Variants in CACNA1G observed in about 807,000 individuals in gnomAD.
The protein encoded by CACNA1G is calcium voltage-gated channel subunit alpha1 G.
In CACNA1G, 67 loss-of-function variants were observed where a neutral mutation model predicts 219.4. That is an observed-to-expected ratio of 0.31 (90% CI 0.25 to 0.37). The LOEUF (loss-of-function observed/expected upper bound fraction) is 0.37, where lower values mean the gene tolerates loss of function less well. CACNA1G is among the 10% of genes least tolerant of loss of function. The probability of loss-of-function intolerance (pLI) is 1.00; values close to 1 mark genes in which losing one functional copy is unlikely to be tolerated. For synonymous variants in CACNA1G, 1,296 were observed against 1,345.3 expected (o/e 0.96, Z 0.80); for missense variants, 2,380 against 3,231.4 (o/e 0.74, Z 6.39).
At position 50,572,685 on chromosome 17, in the gene CACNA1G, G is replaced by A. The variant is rs748055459; in HGVS notation, c.878G>A (p.Gly293Asp). 4.3e-6 allele frequency: 7 copies of A among 1,612,764 alleles called. No individual in the cohort carries two copies. Among genetic ancestry groups the A allele is most frequent in the Non-Finnish European group, 4.2e-6 (5 of 1,179,442 alleles). Residue 293 changes from glycine to aspartate, a missense_variant, in exon 6 of 38, where the codon GGC becomes GAC. Around this residue, in one of 17 missense-constraint regions of CACNA1G, gnomAD observed 68 missense variants for 85.3 expected, o/e 0.80. Transcript: ENST00000359106. ...RSVPTLRGDG[G>D]GGPPCGLDYE... ...GTGCCCACGCTGCGCGGGGACGGGG[G>A]CGGTGGCCCACCTTGCGGTCTGGAC...
chr17:50,570,109 T>C (rs1312566407), intron 4 of CACNA1G, among the ~76,000 whole-genome samples: 1 of 152,166 alleles, frequency 6.6e-6, no homozygotes, highest in East Asian at 1.9e-4. Flanking sequence ...GTGTGGGGAC[T>C]GGAGAGGCTG....
Position 50,617,961 on chromosome 17 carries a change from G to A in CACNA1G, c.5226+32G>A, listed in dbSNP as rs2050933861. On this transcript the variant is annotated intron_variant, in intron 30 of 37. Coordinates refer to ENST00000359106, the MANE Select transcript of CACNA1G (RefSeq NM_018896.5). The surrounding 1 kb of genome is among the most constrained non-coding windows in gnomAD (Gnocchi z 5.8). ...GGGAGGTGGGGGGCCTCTGGGGAGG[G>A]GGAGGTGCTTTCCAGAGGGAAGGGG... 9.9e-6 allele frequency: 16 copies of A among 1,612,916 alleles called. No individual in the cohort carries two copies. The highest frequency in any genetic ancestry group is 1.4e-5 in the Non-Finnish European group (16 of 1,179,086).
Position 50,590,611 on chromosome 17 carries a change from T to C in CACNA1G, c.2442T>C (p.Ile814=), listed in dbSNP as rs781212390. Residue 814 remains isoleucine, a synonymous_variant, in exon 10 of 38, where the codon ATT becomes ATC. Coordinates refer to ENST00000359106, the MANE Select transcript of CACNA1G (RefSeq NM_018896.5). The stretch of plus-strand genomic sequence containing the variant: ...CCTACAACATCTTCGATGGTGTCAT[T>C]GTGGTCATCAGGTATGACTACCCCC... ...KNPYNIFDGV[I]VVISVWEIVG... 6 of 1,613,878 alleles carry C rather than the reference T, an allele frequency of 3.7e-6. No homozygotes were observed. Among genetic ancestry groups the C allele is most frequent in the Non-Finnish European group, 5.1e-6 (6 of 1,179,826 alleles).
At position 50,626,271 on chromosome 17, in the gene CACNA1G, C is replaced by T; in HGVS notation, c.6654C>T (p.Asp2218=). The T allele has an allele frequency of 1.2e-6, 2 of 1,613,592 alleles. No individual in the cohort carries two copies. The highest frequency in any genetic ancestry group is 1.7e-6 in the Non-Finnish European group (2 of 1,179,798). ...PPETRSSLEL[D]TELSWISGDL... is the part of the protein sequence containing the mutation. ...AGACCAGAAGCAGCTTAGAGTTGGA[C>T]ACGGAGCTGAGCTGGATTTCAGGAG... Residue 2218 remains aspartate (D), a synonymous_variant, in exon 38 of 38, where the codon GAC becomes GAT. Transcript: ENST00000359106. This position sits in a 1 kb window ranked among gnomAD's most constrained non-coding sequence, Gnocchi z 4.3.
chr17:50,583,065 G>A (rs955923232), intron 9 of CACNA1G, among the ~76,000 whole-genome samples: 1 of 152,178 alleles, frequency 6.6e-6, no homozygotes, highest in African/African-American at 2.4e-5. Flanking sequence ...CTCCTTTTCA[G>A]TTCTGCTGAA....
chr17:50,609,873 T>C lies in CACNA1G; in HGVS notation c.4706-9T>C, dbSNP rs747634560. The C allele has an allele frequency of 6.2e-7, 1 of 1,610,962 alleles. No individual in the cohort carries two copies. Among genetic ancestry groups the C allele is most frequent in the Admixed American group, 1.7e-5 (1 of 60,012 alleles). On this transcript the variant is annotated splice_polypyrimidine_tract_variant and intron_variant, in intron 25 of 37. Transcript: ENST00000359106. ...GGCCAGTGACCAATGTCGTGTTTCG[T>C]TCTTTTAGATCTAATGCTGGACGAT... is the stretch of plus-strand genomic sequence containing the variant.
chr17:50,624,625 TTTA>T, intron 37 of CACNA1G, 96 bp downstream of exon 37: 1 of 1,220,612 alleles, frequency 8.2e-7, no homozygotes, highest in Non-Finnish European at 1.1e-6. Context: ...CCAGCAAATA[TTTA>T]TTGTGTGCCA....
In CACNA1G at chr17:50,626,224, A is replaced by G; in HGVS notation, c.6607A>G (p.Asn2203Asp). ...PPAPCPGPEP[N>D]WGKGPPETRS... ...AGCCCCTTGCCCAGGCCCAGAACCC[A>G]ACTGGGGCAAGGGCCCTCCAGAGAC... The change falls in exon 38 of 38, where the codon AAC (asparagine) becomes GAC (aspartate). Residue 2203 changes from asparagine to aspartate, a missense_variant. Asn to Asp is a conservative substitution (Grantham distance 23). This residue lies in a region of CACNA1G where 672 missense variants were observed against 670.5 expected (regional missense o/e 1.00). Coordinates refer to ENST00000359106, the MANE Select transcript of CACNA1G (RefSeq NM_018896.5). This position sits in a 1 kb window ranked among gnomAD's most constrained non-coding sequence, Gnocchi z 4.3. 6.2e-7 allele frequency: 1 copy of G among 1,613,830 alleles called. No individual in the cohort carries two copies. Among genetic ancestry groups the G allele is most frequent in the Non-Finnish European group, 8.5e-7 (1 of 1,179,862 alleles).
Position 50,572,645 on chromosome 17 carries a change from C to A in CACNA1G, c.838C>A (p.Arg280=). ...ICSQPRENGM[R]SCRSVPTLRG... is the part of the protein sequence containing the mutation. ...CTCCCAGCCACGCGAGAACGGCATGCGGTCCTGCAGAAGCGTGCCCACGCT... is the reference window on the plus strand; with the variant it reads ...CTCCCAGCCACGCGAGAACGGCATGAGGTCCTGCAGAAGCGTGCCCACGCT... The change falls in exon 6 of 38, where the codon CGG becomes AGG. Residue 280 remains arginine (R), a synonymous_variant. Coordinates refer to ENST00000359106, the MANE Select transcript of CACNA1G (RefSeq NM_018896.5). The A allele has an allele frequency of 6.2e-7, 1 of 1,601,830 alleles. No individual in the cohort carries two copies. Among genetic ancestry groups the A allele is most frequent in the South Asian group, 1.1e-5 (1 of 89,396 alleles).
In CACNA1G at chr17:50,571,009, G is replaced by T. The variant is rs2039318909; in HGVS notation, c.587-869G>T. Among the ~76,000 whole-genome samples the T allele has an allele frequency of 6.6e-6, 1 of 152,194 alleles. No individual in the cohort carries two copies. Among genetic ancestry groups the T allele is most frequent in the Non-Finnish European group, 1.5e-5 (1 of 68,036 alleles). On this transcript the variant is annotated intron_variant, in intron 4 of 37. Coordinates refer to ENST00000359106, the MANE Select transcript of CACNA1G (RefSeq NM_018896.5). This position sits in a 1 kb window ranked among gnomAD's most constrained non-coding sequence, Gnocchi z 4.3. ...AGATCTGTCTGCTTGACGAGGGCTT[G>T]GCGGACTGGGGGCTGGTTCAGACCA...
Position 50,568,985 on chromosome 17 carries a change from AGT to A in CACNA1G, c.354+33_354+34del, listed in dbSNP as rs3833150. ...CCAGCGCTGCCGGATCCTGCAGGTG[AGT>A]GTGTGTGTGTGTGTGTGTGTGTGTG... On this transcript the variant is annotated splice_donor_5th_base_variant and intron_variant, in intron 2 of 37. Transcript: ENST00000359106. The A allele has an allele frequency of 0.054, 58,449 of 1,084,584 alleles. 28 individuals are homozygous for A. Among genetic ancestry groups the A allele is most frequent in the Middle Eastern group, 0.063 (249 of 3,954 alleles). The allele number at this position is 1,084,584 out of a possible 1,614,324, so 67.2% of individuals were successfully genotyped here. A position where few individuals can be genotyped will look rare whatever the true frequency, so the allele number is the denominator to read the frequency against.
chr17:50,615,607 C>G (rs1325360208), intron 27 of CACNA1G, 95 bp downstream of exon 27: 1 of 1,392,062 alleles, frequency 7.2e-7, no homozygotes, highest in East Asian at 2.4e-5. Flanking sequence ...TACCTCTGTG[C>G]CAAGCAAGTG....
intron 1 of CACNA1G, among the ~76,000 whole-genome samples, chr17:50,565,542 A>G (rs908123969): frequency 2.2e-4 from 33 of 151,990 alleles, no homozygotes; most frequent in African/African-American, 7.7e-4. Context: ...CTCCTCATTT[A>G]CTAGAAGGCC....
At position 50,601,194 on chromosome 17, in the gene CACNA1G, C is replaced by G; in HGVS notation, c.3915+20C>G. 1 of 1,612,914 alleles carries G rather than the reference C, an allele frequency of 6.2e-7. No individual in the cohort carries two copies. Among genetic ancestry groups the G allele is most frequent in the Non-Finnish European group, 8.5e-7 (1 of 1,179,666 alleles). ...AGCGCTGTGAGTCACCAGCCCCGCT[C>G]AGGGCAAGGCCTCTCCTGGGGTTTG... On this transcript the variant is annotated intron_variant, in intron 19 of 37. Coordinates refer to ENST00000359106, the MANE Select transcript of CACNA1G (RefSeq NM_018896.5).
intron 9 of CACNA1G, among the ~76,000 whole-genome samples, chr17:50,583,566 C>T (rs2042387850): frequency 6.6e-6 from 1 of 151,796 alleles, no homozygotes; most frequent in African/African-American, 2.4e-5. Flanking sequence ...GAGAGCTGCT[C>T]ATCCCCAGCT....
chr17:50,588,055 AC>A (rs1273575231), intron 9 of CACNA1G, among the ~76,000 whole-genome samples: 1 of 152,118 alleles, frequency 6.6e-6, no homozygotes, highest in African/African-American at 2.4e-5. Flanking sequence ...TTTTAAAAGA[AC>A]GTTTCATTAA....
chr17:50,606,333 G>A, intron 23 of CACNA1G: 1 of 646,208 alleles, frequency 1.5e-6, no homozygotes, highest in Non-Finnish European at 2.8e-6. Context: ...AGTGGGGGCA[G>A]GCAGCCCTGG....
In CACNA1G at chr17:50,571,981, C is replaced by A; in HGVS notation, c.690C>A (p.Val230=). Reference sequence around the variant, plus strand: ...TCTTCATCTTCGGCATCGTCGGCGTCCAGCTGTGGGCAGGGCTGCTTCGGA... The same window carrying A: ...TCTTCATCTTCGGCATCGTCGGCGTACAGCTGTGGGCAGGGCTGCTTCGGA... ...FVFFIFGIVG[V]QLWAGLLRNR... Residue 230 remains valine (V), a synonymous_variant, in exon 5 of 38, where the codon GTC becomes GTA. Transcript: ENST00000359106. This position sits in a 1 kb window ranked among gnomAD's most constrained non-coding sequence, Gnocchi z 4.3. The A allele has an allele frequency of 6.2e-7, 1 of 1,613,984 alleles. No homozygotes were observed. Among genetic ancestry groups the A allele is most frequent in the Non-Finnish European group, 8.5e-7 (1 of 1,179,854 alleles).
chr17:50,590,692 A>G (rs2044108147), intron 10 of CACNA1G, 70 bp downstream of exon 10: 13 of 1,458,234 alleles, frequency 8.9e-6, no homozygotes, highest in Admixed American at 5.5e-5. Flanking sequence ...GCCAGGGGCC[A>G]TGCCACCTAT....
Sources: allele counts gnomAD v4.1 joint callset (sites outside exome capture counted in the v4.1 genomes callset), GRCh38; gene constraint gnomAD v4.1.1; regional missense constraint gnomAD v4.1.1; non-coding constraint Gnocchi (gnomAD v3.1); transcripts MANE v1.5; gene names NCBI Gene and HGNC (gene_info 2026-07-23, HGNC 2026-07-21).